The following COL21A1 variants were observed in gnomAD, a reference collection of about 807,000 sequenced individuals.
COL21A1 encodes collagen alpha-1(XXI) chain.
COL21A1 carries 149 observed loss-of-function variants against 137.9 expected under a neutral mutation model. The ratio of observed to expected loss-of-function variants is 1.08; its 90% CI spans 0.95 to 1.24. The LOEUF is 1.24. Ranked by LOEUF, COL21A1 falls within the 50% of genes most tolerant of loss-of-function variation. The pLI is 0.00. For synonymous variants in COL21A1, 456 were observed against 391.5 expected, an observed-to-expected ratio of 1.16 and a Z score of -1.95; for missense variants, 1,167 against 1,158.4, an observed-to-expected ratio of 1.01 and a Z score of -0.11.
chr6:56,064,340 T>TA, intron 24 of COL21A1, among the ~76,000 whole-genome samples: 1 of 151,988 alleles, frequency 6.6e-6, no homozygotes, highest in East Asian at 1.9e-4. Flanking sequence ...TTGGACGCAT[T>TA]AAAAAACAAA....
chr6:56,121,514 A>ATATTCATATG (rs1561886819), intron 16 of COL21A1, among the ~76,000 whole-genome samples: 2 of 142,136 alleles, frequency 1.4e-5, no homozygotes, highest in African/African-American at 5.2e-5. Context: ...TCATATGTGT[A>ATATTCATATG]TATATATATA....
chr6:56,384,932 A>G (rs1297446247), intron 1 of COL21A1, among the ~76,000 whole-genome samples: 1 of 152,230 alleles, frequency 6.6e-6, no homozygotes, highest in East Asian at 1.9e-4. Context: ...ACATAAGCCA[A>G]AGGTCACAAT....
rs1233329371 is a variant in COL21A1 at position 56,105,543 on chromosome 6, G to T, written c.1759-4018C>A. On this transcript the variant is annotated intron_variant, in intron 16 of 29. Coordinates refer to ENST00000244728, the MANE Select transcript of COL21A1 (RefSeq NM_030820.4). ...TCTAGTTAAGATATCATTAAAAACAGTAGGGTCAATAGTTTCATCATTATT... is the reference window on the plus strand; with the variant it reads ...TCTAGTTAAGATATCATTAAAAACATTAGGGTCAATAGTTTCATCATTATT... 2.0e-5 allele frequency among the ~76,000 whole-genome samples: 3 copies of T among 152,132 alleles called. No homozygotes were observed. In the East Asian group the frequency reaches 5.8e-4, roughly 29 times the overall value.
intron 1 of COL21A1, among the ~76,000 whole-genome samples, chr6:56,217,101 A>G (rs1042223175): frequency 2.6e-5 from 4 of 152,098 alleles, no homozygotes; most frequent in African/African-American, 9.7e-5. Context: ...TAGAAAATAT[A>G]TTAAGTTTCC....
chr6:56,293,250 C>A (rs1764094057), intron 1 of COL21A1, among the ~76,000 whole-genome samples: 1 of 152,124 alleles, frequency 6.6e-6, no homozygotes. Flanking sequence ...TTCAAAAGTT[C>A]TCATCTGTGT....
chr6:56,082,790 T>C (rs931907803), intron 17 of COL21A1, among the ~76,000 whole-genome samples: 1 of 150,770 alleles, frequency 6.6e-6, no homozygotes, highest in African/African-American at 2.5e-5. Context: ...ATTTTTAAAC[T>C]TAATTTATAC....
chr6:56,180,961 A>T (rs1777845370), intron 2 of COL21A1, among the ~76,000 whole-genome samples: 1 of 152,092 alleles, frequency 6.6e-6, no homozygotes, highest in Admixed American at 6.6e-5. Context: ...CTTTTATTAG[A>T]ATGTCTTCCT....
At chr6:56,139,500 T>TACAC (rs35595286) in intron 12 of COL21A1, among the ~76,000 whole-genome samples, 10,552 of 151,318 alleles carry the variant, frequency 0.07, 403 homozygotes, top group Admixed American at 0.11. Flanking sequence ...CTTGTGCACA[T>TACAC]ACACACACAC....
At chr6:56,389,996 C>T (rs536676744) in intron 1 of COL21A1, among the ~76,000 whole-genome samples, 9 of 152,238 alleles carry the variant, frequency 5.9e-5, no homozygotes, top group East Asian at 3.9e-4. Context: ...AGGTATAAAA[C>T]GCACTGGTAA....
chr6:56,349,645 G>C (rs1765669050), intron 1 of COL21A1, among the ~76,000 whole-genome samples: 1 of 152,190 alleles, frequency 6.6e-6, no homozygotes, highest in Non-Finnish European at 1.5e-5. Context: ...GCACAGCAAT[G>C]AGTCAGAAGT....
At chr6:56,130,157 A>G (rs1773405780) in intron 12 of COL21A1, among the ~76,000 whole-genome samples, 1 of 128,500 alleles carries the variant, frequency 7.8e-6, no homozygotes, top group Non-Finnish European at 1.6e-5. Context: ...AGCATTCATG[A>G]CAGGGTTTTA....
intron 1 of COL21A1, among the ~76,000 whole-genome samples, chr6:56,184,880 C>A (rs988403018): frequency 6.6e-6 from 1 of 152,094 alleles, no homozygotes; most frequent in Non-Finnish European, 1.5e-5. Flanking sequence ...TTCACCTGTC[C>A]ACTTATCATC....
rs550491622 is a variant in COL21A1 at position 56,174,127 on chromosome 6, T to C, written c.641-2999A>G. On this transcript the variant is annotated intron_variant, in intron 3 of 29. Transcript: ENST00000244728. ...AGAAATCAGAGACAAAGTTAGAAAA[T>C]ACGTGATGACAAAATCACAACATCC... Among the ~76,000 whole-genome samples, 8 of 151,986 alleles carry C rather than the reference T, an allele frequency of 5.3e-5. No individual in the cohort carries two copies. The South Asian group carries it at 1.5e-3, about 28-fold the overall frequency.
At chr6:56,174,182 TAA>T (rs1473185096) in intron 3 of COL21A1, among the ~76,000 whole-genome samples, 2 of 151,758 alleles carry the variant, frequency 1.3e-5, no homozygotes, top group African/African-American at 4.8e-5. Context: ...AAAACAGTAC[TAA>T]GAGAGAAGTT....
Position 56,124,379 on chromosome 6 carries a change from T to A in COL21A1, c.1651-87A>T, listed in dbSNP as rs1468591719. On this transcript the variant is annotated intron_variant, in intron 14 of 29. Transcript: ENST00000244728. The stretch of plus-strand genomic sequence containing the variant: ...AAACTTAAATAGAAAAGCTACTAAG[T>A]TAACATCATTATGTAGTAAAAACTC... 6 of 1,235,476 alleles carry A rather than the reference T, an allele frequency of 4.9e-6. No individual in the cohort carries two copies. The East Asian group carries it at 1.5e-4, about 31-fold the overall frequency. The allele number at this position is 1,235,476 out of a possible 1,614,324, so 76.5% of individuals were successfully genotyped here.
chr6:56,091,037 A>G (rs1461738830), intron 17 of COL21A1, among the ~76,000 whole-genome samples: 1 of 152,174 alleles, frequency 6.6e-6, no homozygotes, highest in Non-Finnish European at 1.5e-5. Flanking sequence ...TTTCTTTTCA[A>G]TCTAAATAAA....
At chr6:56,165,946 A>ACACACT (rs1248026870) in intron 7 of COL21A1, among the ~76,000 whole-genome samples, 1 of 149,630 alleles carries the variant, frequency 6.7e-6, no homozygotes. Context: ...ACACACACAC[A>ACACACT]CTCCATGCGA....
chr6:56,189,315 G>A (rs1402373746), intron 1 of COL21A1, among the ~76,000 whole-genome samples: 1 of 151,758 alleles, frequency 6.6e-6, no homozygotes, highest in Non-Finnish European at 1.5e-5. Flanking sequence ...AGAACTTCAT[G>A]AAGCATAAAC....
Position 56,183,489 on chromosome 6 carries a change from C to T in COL21A1, c.-38-833G>A, listed in dbSNP as rs58080867. Among the ~76,000 whole-genome samples, 630 of 152,238 alleles carry T rather than the reference C, an allele frequency of 4.1e-3. 11 individuals are homozygous for T. Among genetic ancestry groups the T allele is most frequent in the African/African-American group, 0.015 (603 of 41,558 alleles). The stretch of plus-strand genomic sequence containing the variant: ...TTGGAAATCTGAGGAGTCTCTGCCA[C>T]GCAACAAGCATTCCTTCATTCAGCA... On this transcript the variant is annotated intron_variant, in intron 1 of 29. Coordinates refer to ENST00000244728, the MANE Select transcript of COL21A1 (RefSeq NM_030820.4).
Sources: gnomAD v4.1 joint callset for allele counts (sites outside exome capture counted in the v4.1 genomes callset) on GRCh38, gnomAD v4.1.1 for gene constraint, MANE v1.5 for transcripts, NCBI Gene and HGNC (gene_info 2026-07-23, HGNC 2026-07-21) for gene names.